The following MLIP variants were observed in gnomAD, a reference collection of about 807,000 sequenced individuals.
MLIP encodes the protein muscular LMNA interacting protein, also known as muscular LMNA-interacting protein.
Under a neutral mutation model 84.8 loss-of-function variants are expected in MLIP, and 79 were observed. That is an observed-to-expected ratio of 0.93 (90% CI 0.78 to 1.12). MLIP has a LOEUF of 1.12. Among genes scored for constraint, MLIP ranks in the 50% most tolerant of loss-of-function variants. The pLI is 0.00. For missense variants in MLIP, 1,257 were observed against 1,160.6 expected (o/e 1.08, Z -1.21); for synonymous variants, 504 against 463.0 (o/e 1.09, Z -1.14).
intron 1 of MLIP, among the ~76,000 whole-genome samples, chr6:54,020,973 G>T (rs924571158): frequency 7.2e-5 from 11 of 152,218 alleles, no homozygotes; most frequent in Non-Finnish European, 1.3e-4. Context: ...AGATACAGGA[G>T]TTCTGATGAC....
intron 12 of MLIP, among the ~76,000 whole-genome samples, chr6:54,231,262 C>T (rs1443450741): frequency 6.6e-6 from 1 of 152,028 alleles, no homozygotes; most frequent in Admixed American, 6.6e-5. Flanking sequence ...GTTCAGTGTT[C>T]CTAAAAAGCT....
chr6:54,050,565 T>TTAGATTGTTTATAA (rs1765318233), intron 1 of MLIP, among the ~76,000 whole-genome samples: 1 of 152,154 alleles, frequency 6.6e-6, no homozygotes, highest in Admixed American at 6.6e-5. Context: ...TGCTAGACAT[T>TTAGATTGTTTATAA]TAGATTGTTT....
At chr6:54,129,680 TGCTGGAGGACTA>T (rs1467342715) in intron 3 of MLIP, among the ~76,000 whole-genome samples, 6 of 152,164 alleles carry the variant, frequency 3.9e-5, no homozygotes, top group African/African-American at 1.4e-4. Flanking sequence ...TTCAGCTAAC[TGCTGGAGGACTA>T]GCTTGGAATG....
chr6:54,052,569 AC>A (rs1765434620), intron 1 of MLIP, among the ~76,000 whole-genome samples: 1 of 152,216 alleles, frequency 6.6e-6, no homozygotes, highest in South Asian at 2.1e-4. Context: ...ATAATTATCC[AC>A]ATAAAAATGG....
intron 11 of MLIP, among the ~76,000 whole-genome samples, chr6:54,221,582 C>G (rs1034007961): frequency 6.6e-6 from 1 of 152,064 alleles, no homozygotes; most frequent in African/African-American, 2.4e-5. Flanking sequence ...AAGGAAAATA[C>G]AGTCATTAGA....
At chr6:54,243,940 A>T (rs1310751435) in intron 12 of MLIP, among the ~76,000 whole-genome samples, 1 of 152,186 alleles carries the variant, frequency 6.6e-6, no homozygotes, top group East Asian at 1.9e-4. Flanking sequence ...GGGCTTATGA[A>T]TTCCACAATA....
intron 1 of MLIP, among the ~76,000 whole-genome samples, chr6:54,044,678 A>T (rs1436746749): frequency 1.3e-5 from 2 of 151,634 alleles, no homozygotes; most frequent in Non-Finnish European, 2.9e-5. Context: ...TCAAAAGAAG[A>T]CCTTAAGGTT....
rs3996980 is a variant in MLIP at position 54,087,816 on chromosome 6, C to CTTT, written c.64-33620_64-33618dup. Among the ~76,000 whole-genome samples, 455 of 149,126 alleles carry CTTT rather than the reference C, an allele frequency of 3.1e-3. 3 individuals are homozygous for CTTT. Among genetic ancestry groups the CTTT allele is most frequent in the South Asian group, 5.5e-3 (26 of 4,752 alleles). On this transcript the variant is annotated intron_variant, in intron 1 of 12. Transcript: ENST00000274897. Reference sequence around the variant, plus strand: ...TTAAGATGCTTATGGGAAAGATACTCTTTTTTTTTTTTTAACTCCTCCACT... The same window carrying CTTT: ...TTAAGATGCTTATGGGAAAGATACTCTTTTTTTTTTTTTTTTAACTCCTCCACT...
chr6:54,073,789 C>T (rs1235042714), intron 1 of MLIP, among the ~76,000 whole-genome samples: 1 of 152,192 alleles, frequency 6.6e-6, no homozygotes, highest in African/African-American at 2.4e-5. Context: ...CTTAACATAA[C>T]TGAAATCTCA....
chr6:54,104,763 A>G (rs1471918318), intron 1 of MLIP, among the ~76,000 whole-genome samples: 1 of 152,012 alleles, frequency 6.6e-6, no homozygotes, highest in Non-Finnish European at 1.5e-5. Context: ...ATCAAATATT[A>G]TGGCTAAAAG....
At chr6:54,182,227 C>T (rs1268573500) in intron 9 of MLIP, among the ~76,000 whole-genome samples, 1 of 152,176 alleles carries the variant, frequency 6.6e-6, no homozygotes, top group Non-Finnish European at 1.5e-5. Context: ...TAGGCCTACT[C>T]CAAATGCTCT....
In MLIP at chr6:54,137,506, G is replaced by A. The variant is rs1392270929; in HGVS notation, c.1437G>A (p.Gly479=). 3 of 1,536,072 alleles carry A rather than the reference G, an allele frequency of 2.0e-6. No individual in the cohort carries two copies. Among genetic ancestry groups the A allele is most frequent in the Non-Finnish European group, 2.6e-6 (3 of 1,146,906 alleles). The part of the protein sequence containing the change: ...CSLRAGSPDQ[G]ELQVSELTQQ... ...TGAGAGCCGGGTCACCAGATCAAGG[G>A]GAACTCCAGGTTTCTGAATTGACCC... Residue 479 remains glycine, a synonymous_variant, in exon 4 of 14, where the codon GGG becomes GGA. Coordinates refer to ENST00000502396, the MANE Select transcript of MLIP (RefSeq NM_001281747.2).
chr6:54,058,506 G>A (rs1036155187), intron 1 of MLIP, among the ~76,000 whole-genome samples: 3 of 152,178 alleles, frequency 2.0e-5, no homozygotes, highest in African/African-American at 7.2e-5. Flanking sequence ...TGGCCTTATG[G>A]CCATCTGCCT....
chr6:54,226,524 C>T (rs1339256858), intron 11 of MLIP, among the ~76,000 whole-genome samples: 1 of 151,960 alleles, frequency 6.6e-6, no homozygotes, highest in Non-Finnish European at 1.5e-5. Flanking sequence ...CTCTTAATTC[C>T]TGACTCTAAA....
intron 1 of MLIP, among the ~76,000 whole-genome samples, chr6:54,070,164 C>CT (rs1766396330): frequency 6.6e-6 from 1 of 152,182 alleles, no homozygotes; most frequent in African/African-American, 2.4e-5. Context: ...TACCCATGCA[C>CT]GACTGCTTTA....
At chr6:54,146,117 A>T (rs1356754097) in intron 4 of MLIP, among the ~76,000 whole-genome samples, 1 of 152,180 alleles carries the variant, frequency 6.6e-6, no homozygotes, top group Non-Finnish European at 1.5e-5. Context: ...ATAGGATGGA[A>T]TTATTAGTAA....
intron 11 of MLIP, among the ~76,000 whole-genome samples, chr6:54,219,857 C>A (rs752438371): frequency 5.9e-5 from 9 of 152,122 alleles, no homozygotes; most frequent in Non-Finnish European, 1.0e-4. Flanking sequence ...ATTCCTTAAG[C>A]CTGTTGTATC....
At chr6:54,195,763 C>T (rs961158734) in intron 10 of MLIP, among the ~76,000 whole-genome samples, 2 of 152,120 alleles carry the variant, frequency 1.3e-5, no homozygotes, top group Admixed American at 1.3e-4. Flanking sequence ...TTTTTTCTGT[C>T]CCCAAGACTA....
intron 12 of MLIP, among the ~76,000 whole-genome samples, chr6:54,243,042 G>A (rs1781843104): frequency 6.6e-6 from 1 of 152,126 alleles, no homozygotes; most frequent in African/African-American, 2.4e-5. Flanking sequence ...GAGACATGGG[G>A]GCCTTTTCCA....
Sources: allele counts gnomAD v4.1 joint callset (sites outside exome capture counted in the v4.1 genomes callset), GRCh38; gene constraint gnomAD v4.1.1; transcripts MANE v1.5; gene names NCBI Gene and HGNC (gene_info 2026-07-23, HGNC 2026-07-21).